The following IMPACT variants were observed in gnomAD, a reference collection of about 807,000 sequenced individuals.
IMPACT encodes the protein protein IMPACT.
IMPACT carries 35 observed loss-of-function variants against 47.5 expected under a neutral mutation model. That is an observed-to-expected ratio of 0.74 (90% CI 0.56 to 0.98). IMPACT has a LOEUF of 0.98. IMPACT is among the 50% of genes least tolerant of loss of function. The probability of loss-of-function intolerance (pLI) is 0.00; values close to 1 mark genes in which losing one functional copy is unlikely to be tolerated. For missense variants in IMPACT, 373 were observed against 394.8 expected (o/e 0.94, Z 0.47); for synonymous variants, 118 against 125.6 (o/e 0.94, Z 0.40).
At chr18:24,436,503 A>C (rs975403557) in intron 4 of IMPACT, among the ~76,000 whole-genome samples, 1 of 148,086 alleles carries the variant, frequency 6.8e-6, no homozygotes, top group Non-Finnish European at 1.5e-5. Flanking sequence ...TACGGTGCTG[A>C]GATTACAGGT....
chr18:24,443,212 T>C, intron 7 of IMPACT, 60 bp downstream of exon 7: 1 of 775,246 alleles, frequency 1.3e-6, no homozygotes, highest in Non-Finnish European at 2.1e-6. Flanking sequence ...GTAAATGATT[T>C]TGCAATAATC....
chr18:24,431,323 A>G (rs1481043995), intron 4 of IMPACT, among the ~76,000 whole-genome samples: 1 of 152,150 alleles, frequency 6.6e-6, no homozygotes, highest in Non-Finnish European at 1.5e-5. Context: ...TTGGCACATT[A>G]CAGGAAACAG....
chr18:24,445,043 A>G (rs1331814217), intron 7 of IMPACT, among the ~76,000 whole-genome samples: 1 of 152,216 alleles, frequency 6.6e-6, no homozygotes, highest in African/African-American at 2.4e-5. Flanking sequence ...CACCTGCTAC[A>G]TTGGATGTAT....
Position 24,428,110 on chromosome 18 carries a change from C to T in IMPACT, c.165+63C>T, listed in dbSNP as rs993179401. ...ACAGTATGAACTATATTGTTGACTTCTGTATTCTAATGATTGTGTTGTTTT... is the reference window on the plus strand; with the variant it reads ...ACAGTATGAACTATATTGTTGACTTTTGTATTCTAATGATTGTGTTGTTTT... On this transcript the variant is annotated intron_variant, in intron 2 of 10. Transcript: ENST00000284202. 12 of 1,371,882 alleles carry T rather than the reference C, an allele frequency of 8.7e-6. No individual in the cohort carries two copies. In the African/African-American group the frequency reaches 1.6e-4, roughly 19 times the overall value. 85.0% of individuals were successfully genotyped at this position (1,371,882 alleles called of 1,614,324 possible). A position where few individuals can be genotyped will look rare whatever the true frequency, so the allele number is the denominator to read the frequency against.
rs1909157171 is a variant in IMPACT, at chr18:24,443,045, C to T, written c.491-4C>T. On this transcript the variant is annotated splice_polypyrimidine_tract_variant and splice_region_variant and intron_variant, in intron 6 of 10. Transcript: ENST00000284202. ...AAAAAATAAAGTTTCTTTTACATTT[C>T]TAGAAGTAGAAGTAGAAGAATTACC... is the stretch of plus-strand genomic sequence containing the variant. 6.7e-7 allele frequency: 1 copy of T among 1,499,220 alleles called. No individual in the cohort carries two copies. The highest frequency in any genetic ancestry group is 2.3e-5 in the East Asian group (1 of 43,510). The allele number at this position is 1,499,220 out of a possible 1,614,324, so 92.9% of individuals were successfully genotyped here.
intron 4 of IMPACT, among the ~76,000 whole-genome samples, chr18:24,434,777 ATAT>A (rs1192138067): frequency 0.022 from 2,134 of 97,664 alleles, 218 homozygotes; most frequent in Non-Finnish European, 0.033. Context: ...AAAAAAAAAA[ATAT>A]ATATATATAT....
Position 24,452,650 on chromosome 18 carries a change from C to T in IMPACT, c.*1803C>T, listed in dbSNP as rs534546394. 4 of 152,262 alleles carry T rather than the reference C, an allele frequency of 2.6e-5. No individual in the cohort carries two copies. In the East Asian group the frequency reaches 7.7e-4, roughly 29 times the overall value. The allele number at this position is 152,262 out of a possible 1,614,324, so 9.4% of individuals were successfully genotyped here. ...GCTCTGAACTTGGAGCTACTTCACA[C>T]TCTACTCTTAATGGAAACTTGAACT... On this transcript the variant is annotated 3_prime_UTR_variant, in exon 11 of 11. Transcript: ENST00000284202.
At chr18:24,444,698 A>G (rs1267705404) in intron 7 of IMPACT, among the ~76,000 whole-genome samples, 2 of 152,232 alleles carry the variant, frequency 1.3e-5, no homozygotes, top group South Asian at 2.1e-4. Context: ...TAAGGTTGCC[A>G]GATAAAATAC....
At chr18:24,444,093 T>C (rs1399074973) in intron 7 of IMPACT, among the ~76,000 whole-genome samples, 1 of 152,176 alleles carries the variant, frequency 6.6e-6, no homozygotes, top group Non-Finnish European at 1.5e-5. Context: ...CGTTGACTTG[T>C]GGTCAAGATC....
At chr18:24,428,115 T>G in intron 2 of IMPACT, 68 bp downstream of exon 2, 1 of 1,331,832 alleles carries the variant, frequency 7.5e-7, no homozygotes, top group Non-Finnish European at 1.0e-6. Flanking sequence ...GACTTCTGTA[T>G]TCTAATGATT....
rs752636035 is a variant in IMPACT, at chr18:24,426,756, C to T, written c.-1C>T. 9 of 1,244,432 alleles carry T rather than the reference C, an allele frequency of 7.2e-6. No individual in the cohort carries two copies. The African/African-American group carries it at 1.2e-4, about 17-fold the overall frequency. 77.1% of individuals were successfully genotyped at this position (1,244,432 alleles called of 1,614,324 possible). On this transcript the variant is annotated 5_prime_UTR_variant, in exon 1 of 11. Coordinates refer to ENST00000284202, the MANE Select transcript of IMPACT (RefSeq NM_018439.4). Reference sequence around the variant, plus strand: ...GGCTGCAGGGCAGGTCCAGGGGCCACATGGCTGAGGGGGACGCAGGGAGCG... The same window carrying T: ...GGCTGCAGGGCAGGTCCAGGGGCCATATGGCTGAGGGGGACGCAGGGAGCG...
chr18:24,452,890 C>T lies in IMPACT; in HGVS notation c.*2043C>T, dbSNP rs1909422214. On this transcript the variant is annotated 3_prime_UTR_variant, in exon 11 of 11. Transcript: ENST00000284202. ...CTCACTGCAGCCTTGACCTTCCAGCCTGCCAAGTAGCTGGGATTACAGACA... is the reference window on the plus strand; with the variant it reads ...CTCACTGCAGCCTTGACCTTCCAGCTTGCCAAGTAGCTGGGATTACAGACA... 5 of 152,304 alleles carry T rather than the reference C, an allele frequency of 3.3e-5. No individual in the cohort carries two copies. In the South Asian group the frequency reaches 1.0e-3, roughly 32 times the overall value. 9.4% of individuals were successfully genotyped at this position (152,304 alleles called of 1,614,324 possible).
intron 9 of IMPACT, 81 bp downstream of exon 9, chr18:24,448,264 G>A: frequency 1.2e-6 from 1 of 813,486 alleles, no homozygotes; most frequent in Non-Finnish European, 2.1e-6. Context: ...TTTAGTAATA[G>A]CTAAGTCAGT....
rs773729016 is a variant in IMPACT at position 24,428,056 on chromosome 18, T to C, written c.165+9T>C. 35 of 1,565,820 alleles carry C rather than the reference T, an allele frequency of 2.2e-5. No homozygotes were observed. In the East Asian group the frequency reaches 5.1e-4, roughly 23 times the overall value. Reference sequence around the variant, plus strand: ...GGACACTTTGCTTGCAGGTACTTTTTCCCCCTTCCTTGCAGCCATCTTTCA... The same window carrying C: ...GGACACTTTGCTTGCAGGTACTTTTCCCCCCTTCCTTGCAGCCATCTTTCA... On this transcript the variant is annotated intron_variant, in intron 2 of 10. Transcript: ENST00000284202.
At position 24,430,321 on chromosome 18, in the gene IMPACT, G is replaced by A; in HGVS notation, c.219-1G>A. On this transcript the variant is annotated splice_acceptor_variant, in intron 3 of 10. Coordinates refer to ENST00000284202, the MANE Select transcript of IMPACT (RefSeq NM_018439.4). LOFTEE classifies it high-confidence loss of function. ...TTCTTAATTGTTTTATTTAATCTTA[G>A]TGCTCCTTGGCTTAAAGGGCAAGAA... The A allele has an allele frequency of 1.9e-6, 3 of 1,586,552 alleles. No homozygotes were observed. The highest frequency in any genetic ancestry group is 2.6e-6 in the Non-Finnish European group (3 of 1,166,958).
At chr18:24,445,511 T>C (rs761635017) in intron 8 of IMPACT, 45 bp downstream of exon 8, 3 of 1,135,622 alleles carry the variant, frequency 2.6e-6, no homozygotes, top group Admixed American at 4.8e-5. Flanking sequence ...TTGTTAAAAA[T>C]AGAGGGAAAT....
intron 9 of IMPACT, among the ~76,000 whole-genome samples, chr18:24,448,704 A>C (rs1255282951): frequency 1.3e-5 from 2 of 151,940 alleles, no homozygotes; most frequent in Non-Finnish European, 2.9e-5. Context: ...CTTTTTAAGA[A>C]TATCCTGTTC....
intron 9 of IMPACT, among the ~76,000 whole-genome samples, chr18:24,449,117 T>C (rs1000106015): frequency 3.3e-5 from 5 of 152,110 alleles, no homozygotes; most frequent in Admixed American, 6.5e-5. Context: ...CCCTAGCACT[T>C]TGGGAAGCTG....
chr18:24,436,211 C>T (rs1471976336), intron 4 of IMPACT, among the ~76,000 whole-genome samples: 1 of 152,126 alleles, frequency 6.6e-6, no homozygotes. Flanking sequence ...AAGCATTAAA[C>T]TAGCAGCTAT....
Sources: allele counts gnomAD v4.1 joint callset (sites outside exome capture counted in the v4.1 genomes callset), GRCh38; gene constraint gnomAD v4.1.1; transcripts MANE v1.5; gene names NCBI Gene and HGNC (gene_info 2026-07-23, HGNC 2026-07-21).